Variants in TMC1 observed in about 807,000 individuals in gnomAD.
TMC1 encodes the protein transmembrane channel-like protein 1.
Under a neutral mutation model 105.8 loss-of-function variants are expected in TMC1, and 84 were observed. That is an observed-to-expected ratio of 0.79 (90% CI 0.67 to 0.95). The LOEUF (loss-of-function observed/expected upper bound fraction) is 0.95. Among genes scored for constraint, TMC1 ranks in the 40% least tolerant of loss-of-function variants. TMC1 has a pLI of 0.00. For synonymous variants in TMC1, 315 were observed against 311.5 expected, an observed-to-expected ratio of 1.01 and a Z score of -0.12; for missense variants, 817 against 914.1, an observed-to-expected ratio of 0.89 and a Z score of 1.37.
chr9:72,753,376 T>C (rs1417558917), intron 11 of TMC1, among the ~76,000 whole-genome samples: 1 of 150,208 alleles, frequency 6.7e-6, no homozygotes, highest in Non-Finnish European at 1.5e-5. Context: ...TTACTTAGTG[T>C]CAGATGCAGG....
intron 15 of TMC1, among the ~76,000 whole-genome samples, chr9:72,790,654 A>G (rs138226389): frequency 2.4e-4 from 37 of 152,274 alleles, no homozygotes; most frequent in African/African-American, 8.4e-4. Context: ...CCTCTTTAAC[A>G]TATATTTTAG....
At chr9:72,524,317 A>C (rs1333987261) in intron 1 of TMC1, among the ~76,000 whole-genome samples, 1 of 152,210 alleles carries the variant, frequency 6.6e-6, no homozygotes, top group African/African-American at 2.4e-5. Flanking sequence ...AAATATTGTC[A>C]TCAATTTATC....
intron 17 of TMC1, among the ~76,000 whole-genome samples, chr9:72,799,083 A>G (rs1828424727): frequency 6.6e-6 from 1 of 152,090 alleles, no homozygotes; most frequent in South Asian, 2.1e-4. Flanking sequence ...ACAAAACCCA[A>G]GAAAAATCTA....
At chr9:72,772,801 G>T (rs749313205) in intron 13 of TMC1, among the ~76,000 whole-genome samples, 3 of 152,118 alleles carry the variant, frequency 2.0e-5, no homozygotes, top group Admixed American at 2.0e-4. Flanking sequence ...TGCCTATCTT[G>T]TGTTTAAACA....
intron 5 of TMC1, among the ~76,000 whole-genome samples, chr9:72,672,650 G>A (rs1457597315): frequency 1.3e-5 from 2 of 151,902 alleles, no homozygotes; most frequent in African/African-American, 2.4e-5. Flanking sequence ...ACCTTTTTCT[G>A]AATAATTGAT....
rs559880920 is a variant in TMC1, at chr9:72,590,969, C to T, written c.-306+12946C>T. ...GAAGGGAAGAAGAAACTGAGATCCG[C>T]GGAATAAGTGAGGATTCCTAGGCAA... On this transcript the variant is annotated intron_variant, in intron 2 of 23. Coordinates refer to ENST00000297784, the MANE Select transcript of TMC1 (RefSeq NM_138691.3). Among the ~76,000 whole-genome samples the T allele has an allele frequency of 7.9e-5, 12 of 152,070 alleles. No homozygotes were observed. In the South Asian group the frequency reaches 1.0e-3, roughly 13 times the overall value.
In TMC1 at chr9:72,806,941, G is replaced by A. The variant is rs560647346; in HGVS notation, c.1695+1431G>A. On this transcript the variant is annotated intron_variant, in intron 18 of 23. Coordinates refer to ENST00000297784, the MANE Select transcript of TMC1 (RefSeq NM_138691.3). ...TGGGAGGTGGAGGTTGTAGCGAGCC[G>A]AGATCACGCCACTGCACTCCAGCCT... is the stretch of plus-strand genomic sequence containing the variant. Among the ~76,000 whole-genome samples the A allele has an allele frequency of 8.5e-5, 13 of 152,280 alleles. No homozygotes were observed. In the South Asian group the frequency reaches 2.5e-3, roughly 29 times the overall value.
intron 4 of TMC1, among the ~76,000 whole-genome samples, chr9:72,635,617 GCT>G (rs1256083319): frequency 3.3e-5 from 5 of 152,138 alleles, no homozygotes; most frequent in Admixed American, 3.3e-4. Flanking sequence ...AGTCAGTCAA[GCT>G]CTCTTTTCTT....
chr9:72,813,886 A>C (rs1157632551), intron 18 of TMC1, among the ~76,000 whole-genome samples: 1 of 152,216 alleles, frequency 6.6e-6, no homozygotes, highest in Non-Finnish European at 1.5e-5. Flanking sequence ...CACTTGGTCC[A>C]GTATGGCCAC....
At chr9:72,661,139 G>A (rs1588018083) in intron 5 of TMC1, among the ~76,000 whole-genome samples, 1 of 152,100 alleles carries the variant, frequency 6.6e-6, no homozygotes, top group African/African-American at 2.4e-5. Flanking sequence ...GTGACAGAGC[G>A]AGACTCATCT....
intron 8 of TMC1, among the ~76,000 whole-genome samples, chr9:72,736,692 A>G (rs1418350202): frequency 2.6e-5 from 4 of 152,234 alleles, no homozygotes; most frequent in Non-Finnish European, 5.9e-5. Flanking sequence ...AGAGATTAAT[A>G]TGATAACTCC....
intron 12 of TMC1, among the ~76,000 whole-genome samples, chr9:72,756,450 T>A (rs1004103541): frequency 6.6e-6 from 1 of 152,178 alleles, no homozygotes; most frequent in Non-Finnish European, 1.5e-5. Flanking sequence ...CTTCTAGATT[T>A]TATTTCTCTT....
intron 18 of TMC1, among the ~76,000 whole-genome samples, chr9:72,814,866 G>A (rs535084848): frequency 1.3e-5 from 2 of 151,850 alleles, no homozygotes; most frequent in Admixed American, 1.3e-4. Flanking sequence ...TCTTGGGTTT[G>A]GGAGGAACAG....
intron 1 of TMC1, among the ~76,000 whole-genome samples, chr9:72,531,334 G>T (rs1213570680): frequency 2.0e-5 from 3 of 152,080 alleles, no homozygotes; most frequent in African/African-American, 7.2e-5. Flanking sequence ...TTGTGTGCTA[G>T]ACATTGTTTT....
rs1056275872 is a variant in TMC1 at position 72,567,102 on chromosome 9, G to A, written c.-427-10800G>A. 1.4e-4 allele frequency among the ~76,000 whole-genome samples: 21 copies of A among 152,122 alleles called. 1 individual carries two copies. Among genetic ancestry groups the A allele is most frequent in the Non-Finnish European group, 2.9e-5 (2 of 68,024 alleles). Reference sequence around the variant, plus strand: ...CACAATTCTCCACCTCACAGATGATGTCTCAGCCATGATGAGTTCCTCTCA... The same window carrying A: ...CACAATTCTCCACCTCACAGATGATATCTCAGCCATGATGAGTTCCTCTCA... On this transcript the variant is annotated intron_variant, in intron 1 of 23. Coordinates refer to ENST00000297784, the MANE Select transcript of TMC1 (RefSeq NM_138691.3).
intron 3 of TMC1, 89 bp from the exon 4 acceptor site, chr9:72,627,832 A>G (rs1372352693): frequency 5.7e-6 from 2 of 349,140 alleles, no homozygotes; most frequent in African/African-American, 2.1e-5. Flanking sequence ...TATTGTATTT[A>G]AAAAACATTC....
Position 72,683,731 on chromosome 9 carries a change from TTTTA to T in TMC1, c.17-4976_17-4973del, listed in dbSNP as rs1413039473. On this transcript the variant is annotated intron_variant, in intron 5 of 23. Coordinates refer to ENST00000297784, the MANE Select transcript of TMC1 (RefSeq NM_138691.3). ...GGTCTGAGTTAACCTGAGTTACACA[TTTTA>T]TATATATATATATATATATATATAT... 5.4e-3 allele frequency among the ~76,000 whole-genome samples: 266 copies of T among 49,598 alleles called. 6 individuals carry two copies. Among genetic ancestry groups the T allele is most frequent in the East Asian group, 0.032 (49 of 1,522 alleles). The allele number at this position is 49,598 out of a possible 152,430, so 32.5% of individuals were successfully genotyped here. A position where few individuals can be genotyped will look rare whatever the true frequency, so the allele number is the denominator to read the frequency against.
At chr9:72,789,632 C>T (rs1376731587) in intron 15 of TMC1, among the ~76,000 whole-genome samples, 1 of 152,172 alleles carries the variant, frequency 6.6e-6, no homozygotes, top group Non-Finnish European at 1.5e-5. Context: ...TTTATGGTCA[C>T]AGAGTTAGGA....
chr9:72,606,545 T>A (rs1824916175), intron 2 of TMC1, among the ~76,000 whole-genome samples: 1 of 152,226 alleles, frequency 6.6e-6, no homozygotes, highest in Non-Finnish European at 1.5e-5. Flanking sequence ...GAAACGTATG[T>A]ACTTATGTTA....
Sources: gnomAD v4.1 joint callset for allele counts (sites outside exome capture counted in the v4.1 genomes callset) on GRCh38, gnomAD v4.1.1 for gene constraint, MANE v1.5 for transcripts, NCBI Gene and HGNC (gene_info 2026-07-23, HGNC 2026-07-21) for gene names.